Variants in EXOC4 observed in about 807,000 individuals in gnomAD.
EXOC4 encodes SEC8-like 1.
Under a neutral mutation model 107.2 loss-of-function variants are expected in EXOC4, and 71 were observed. The ratio of observed to expected loss-of-function variants is 0.66; its 90% CI spans 0.55 to 0.81. EXOC4 has a LOEUF of 0.81. EXOC4 is among the 30% of genes least tolerant of loss of function. The pLI, the probability that EXOC4 is intolerant of heterozygous loss-of-function variation, is 0.00. For synonymous variants in EXOC4, 456 were observed against 441.2 expected, an observed-to-expected ratio of 1.03 and a Z score of -0.42; for missense variants, 1,108 against 1,189.6, an observed-to-expected ratio of 0.93 and a Z score of 1.01.
chr7:133,642,116 G>A (rs369230295), intron 10 of EXOC4, among the ~76,000 whole-genome samples: 1 of 152,008 alleles, frequency 6.6e-6, no homozygotes. Flanking sequence ...GAATTTTGGG[G>A]CAAAATTCTT....
chr7:133,715,570 G>A (rs1021486824), intron 10 of EXOC4, among the ~76,000 whole-genome samples: 5 of 151,838 alleles, frequency 3.3e-5, no homozygotes, highest in Non-Finnish European at 5.9e-5. Context: ...TAGTAATTCA[G>A]TCATACAGTA....
At chr7:134,037,929 G>A (rs1040416650) in intron 17 of EXOC4, among the ~76,000 whole-genome samples, 2 of 152,182 alleles carry the variant, frequency 1.3e-5, no homozygotes, top group African/African-American at 4.8e-5. Flanking sequence ...CAACTCAGGT[G>A]TTCTCTGATT....
At chr7:133,710,937 A>G (rs1249736363) in intron 10 of EXOC4, among the ~76,000 whole-genome samples, 2 of 151,748 alleles carry the variant, frequency 1.3e-5, no homozygotes, top group African/African-American at 4.8e-5. Flanking sequence ...CCACCAAGAT[A>G]TAAAACATTT....
At chr7:133,605,780 A>T (rs1468382717) in intron 9 of EXOC4, among the ~76,000 whole-genome samples, 1 of 152,168 alleles carries the variant, frequency 6.6e-6, no homozygotes, top group African/African-American at 2.4e-5. Context: ...AGTCATTAGC[A>T]TATAGATGGT....
At chr7:134,043,774 G>A (rs1795580769) in intron 17 of EXOC4, among the ~76,000 whole-genome samples, 1 of 152,188 alleles carries the variant, frequency 6.6e-6, no homozygotes, top group Non-Finnish European at 1.5e-5. Context: ...AGCTGTGAAT[G>A]TAGGGTAGTT....
chr7:134,096,695 G>C, the EXOC4 span, among the ~76,000 whole-genome samples: 1 of 152,060 alleles, frequency 6.6e-6, no homozygotes, highest in Non-Finnish European at 1.5e-5. Flanking sequence ...GATGTTCAAG[G>C]GCAGGAAGCA....
At chr7:133,522,526 G>T (rs750617730) in intron 9 of EXOC4, among the ~76,000 whole-genome samples, 1 of 151,914 alleles carries the variant, frequency 6.6e-6, no homozygotes. Flanking sequence ...CATATATAGC[G>T]CATTGGGGGA....
At chr7:133,641,323 C>T (rs548242442) in intron 10 of EXOC4, among the ~76,000 whole-genome samples, 1 of 152,198 alleles carries the variant, frequency 6.6e-6, no homozygotes, top group South Asian at 2.1e-4. Context: ...ATGTATAAGG[C>T]AAATTGGATG....
chr7:133,311,346 A>T (rs1203580116), intron 4 of EXOC4, among the ~76,000 whole-genome samples: 1 of 152,232 alleles, frequency 6.6e-6, no homozygotes, highest in African/African-American at 2.4e-5. Flanking sequence ...CAGTGCAGAC[A>T]TGAAGTAGAA....
intron 14 of EXOC4, among the ~76,000 whole-genome samples, chr7:133,948,117 T>C (rs1344751703): frequency 6.6e-6 from 1 of 152,190 alleles, no homozygotes; most frequent in Non-Finnish European, 1.5e-5. Context: ...CTGAGTGGAT[T>C]GATTTGGTTG....
chr7:133,435,122 T>A (rs1797939218), intron 7 of EXOC4, among the ~76,000 whole-genome samples: 2 of 152,200 alleles, frequency 1.3e-5, no homozygotes, highest in African/African-American at 4.8e-5. Flanking sequence ...CATTCAGACT[T>A]TTTCTGGTGA....
At chr7:133,658,675 C>T (rs763645) in intron 10 of EXOC4, among the ~76,000 whole-genome samples, 64,997 of 151,950 alleles carry the variant, frequency 0.43, 14,854 homozygotes, top group Admixed American at 0.57. Context: ...CGGAAAATTC[C>T]GACAGGAAAG....
intron 7 of EXOC4, among the ~76,000 whole-genome samples, chr7:133,417,408 A>G (rs1325643377): frequency 6.6e-6 from 1 of 152,192 alleles, no homozygotes; most frequent in Admixed American, 6.5e-5. Context: ...CTGCGTGTCA[A>G]CTGAAACCTT....
intron 1 of EXOC4, among the ~76,000 whole-genome samples, chr7:133,263,726 A>T (rs1365926258): frequency 6.6e-6 from 1 of 151,978 alleles, no homozygotes; most frequent in Non-Finnish European, 1.5e-5. Flanking sequence ...ATTCCATAAA[A>T]ATTTATATGT....
chr7:133,343,327 T>C (rs1795708805), intron 5 of EXOC4, among the ~76,000 whole-genome samples: 1 of 152,114 alleles, frequency 6.6e-6, no homozygotes, highest in Admixed American at 6.5e-5. Flanking sequence ...GCTACTAGGC[T>C]ATGGGCTGGT....
intron 12 of EXOC4, among the ~76,000 whole-genome samples, chr7:133,899,041 A>G (rs143044378): frequency 6.6e-6 from 1 of 151,720 alleles, no homozygotes; most frequent in Non-Finnish European, 1.5e-5. Context: ...AAATAATTGC[A>G]TTTTAATAAT....
intron 9 of EXOC4, among the ~76,000 whole-genome samples, chr7:133,487,891 A>G (rs1230827745): frequency 6.6e-6 from 1 of 152,188 alleles, no homozygotes; most frequent in African/African-American, 2.4e-5. Flanking sequence ...TCATCTTATT[A>G]GACATTTTTT....
In EXOC4 at chr7:133,263,342, CATT is replaced by C. The variant is rs1793624741; in HGVS notation, c.86+10158_86+10160del. ...TTAAAATTTTTTTTTCTGAGATAAA[CATT>C]ATATAGATATGTTTTTTAAAAAAGC... On this transcript the variant is annotated intron_variant, in intron 1 of 17. Coordinates refer to ENST00000253861, the MANE Select transcript of EXOC4 (RefSeq NM_021807.4). Among the ~76,000 whole-genome samples, 3 of 141,838 alleles carry C rather than the reference CATT, an allele frequency of 2.1e-5. No homozygotes were observed. The South Asian group carries it at 6.8e-4, about 32-fold the overall frequency. The allele number at this position is 141,838 out of a possible 152,430, so 93.1% of individuals were successfully genotyped here.
chr7:133,356,660 ATGT>A, intron 6 of EXOC4, 87 bp downstream of exon 6: 3 of 1,471,932 alleles, frequency 2.0e-6, no homozygotes, highest in Admixed American at 1.9e-5. Flanking sequence ...CCTTCTGTTG[ATGT>A]TGTTTTCTTG....
Sources: allele counts gnomAD v4.1 joint callset (sites outside exome capture counted in the v4.1 genomes callset), GRCh38; gene constraint gnomAD v4.1.1; transcripts MANE v1.5; gene names NCBI Gene and HGNC (gene_info 2026-07-23, HGNC 2026-07-21).